Variants in ARHGAP25 observed in about 807,000 individuals in gnomAD.
ARHGAP25 encodes the protein Rho GTPase activating protein 25, also known as rho GTPase-activating protein 25.
A neutral mutation model predicts 71.0 loss-of-function variants in ARHGAP25; 34 were observed. The ratio of observed to expected loss-of-function variants is 0.48; its 90% confidence interval spans 0.36 to 0.64. The LOEUF is 0.64. Ranked by LOEUF, ARHGAP25 falls within the 30% of genes least tolerant of loss-of-function variation. ARHGAP25 has a pLI of 0.00. For synonymous variants in ARHGAP25, 282 were observed against 296.5 expected (o/e 0.95, Z 0.50); for missense variants, 706 against 805.1 (o/e 0.88, Z 1.49).
rs954161026 is a variant in ARHGAP25 at position 68,819,623 on chromosome 2, T to C, written c.1200+304T>C. 1.0e-5 allele frequency: 6 copies of C among 584,744 alleles called. No homozygotes were observed. In the South Asian group the frequency reaches 1.3e-4, roughly 13 times the overall value. 36.2% of individuals were successfully genotyped at this position (584,744 alleles called of 1,614,324 possible). On this transcript the variant is annotated intron_variant, in intron 9 of 10. Coordinates refer to ENST00000409202, the MANE Select transcript of ARHGAP25 (RefSeq NM_001007231.3). ...TCAAATACAGTCCAGAGAAGTTCAG[T>C]GGGAAAAATGTATACAACATTGTAA...
chr2:68,780,632 TC>T (rs1678263287), intron 2 of ARHGAP25, among the ~76,000 whole-genome samples: 1 of 152,080 alleles, frequency 6.6e-6, no homozygotes, highest in Non-Finnish European at 1.5e-5. Flanking sequence ...TCTTTCATCC[TC>T]ATTCTCCTCC....
intron 1 of ARHGAP25, among the ~76,000 whole-genome samples, chr2:68,738,753 G>A (rs889778084): frequency 7.3e-5 from 11 of 151,588 alleles, no homozygotes; most frequent in Non-Finnish European, 1.0e-4. Context: ...TCCGGGAGGC[G>A]GAGGTTGTAG....
In ARHGAP25 at chr2:68,826,586, G is replaced by T; in HGVS notation, c.*392G>T. ...CAGCTCACCTTGTCAGACAGCCTCA[G>T]GGCATCTCTGAGACACAGGGGCAGA... is the stretch of plus-strand genomic sequence containing the variant. On this transcript the variant is annotated 3_prime_UTR_variant, in exon 11 of 11. Coordinates refer to ENST00000409202, the MANE Select transcript of ARHGAP25 (RefSeq NM_001007231.3). 1 of 339,162 alleles carries T rather than the reference G, an allele frequency of 2.9e-6. No homozygotes were observed. Among genetic ancestry groups the T allele is most frequent in the Non-Finnish European group, 5.7e-6 (1 of 174,024 alleles). The allele number at this position is 339,162 out of a possible 1,614,324, so 21.0% of individuals were successfully genotyped here. A position where few individuals can be genotyped will look rare whatever the true frequency, so the allele number is the denominator to read the frequency against.
In ARHGAP25 at chr2:68,775,306, G is replaced by T; in HGVS notation, c.147G>T (p.Lys49Asn). 6.2e-7 allele frequency: 1 copy of T among 1,614,274 alleles called. No individual in the cohort carries two copies. Among genetic ancestry groups the T allele is most frequent in the Non-Finnish European group, 8.5e-7 (1 of 1,180,052 alleles). ...STPNPLERPI[K>N]MGWLKKQRSI... Reference sequence around the variant, plus strand: ...CCAACCCGCTGGAGAGGCCCATCAAGATGGGCTGGCTGAAGAAGCAGAGGT... The same window carrying T: ...CCAACCCGCTGGAGAGGCCCATCAATATGGGCTGGCTGAAGAAGCAGAGGT... The change falls in exon 2 of 11, where the codon AAG (lysine) becomes AAT (asparagine). Residue 49 changes from lysine to asparagine, a missense_variant. Coordinates refer to ENST00000409202, the MANE Select transcript of ARHGAP25 (RefSeq NM_001007231.3).
chr2:68,813,452 G>A, intron 6 of ARHGAP25, 33 bp downstream of exon 6: 2 of 1,598,858 alleles, frequency 1.3e-6, no homozygotes, highest in African/African-American at 2.7e-5. Flanking sequence ...TCCTGCCTTA[G>A]AAGAAAGTGA....
rs1680457193 is a variant in ARHGAP25, at chr2:68,807,476, G to C, written c.670G>C (p.Asp224His). The C allele has an allele frequency of 3.1e-6, 5 of 1,614,010 alleles. No homozygotes were observed. The highest frequency in any genetic ancestry group is 4.2e-6 in the Non-Finnish European group (5 of 1,179,976). The change falls in exon 5 of 11, where the codon GAC (aspartate) becomes CAC (histidine). Residue 224 changes from aspartate to histidine, a missense_variant. By Grantham distance (81) the Asp-to-His change is moderately conservative. Transcript: ENST00000409202. ...TGATGCTGGGGAGCGGCCCTCCTTTGACAGGTACATTGCCCCACTGCAGTG... is the reference window on the plus strand; with the variant it reads ...TGATGCTGGGGAGCGGCCCTCCTTTCACAGGTACATTGCCCCACTGCAGTG... ...AFDAGERPSF[D>H]RDTDVHTVAS...
At chr2:68,757,784 C>T (rs1404273371) in intron 1 of ARHGAP25, 2 of 152,086 alleles carry the variant, frequency 1.3e-5, no homozygotes, top group Non-Finnish European at 2.9e-5. Context: ...TGGTATGTAA[C>T]TCCACCTTTG....
intron 2 of ARHGAP25, chr2:68,710,807 T>C (rs536521890): frequency 6.6e-6 from 1 of 152,326 alleles, no homozygotes; most frequent in African/African-American, 2.4e-5. Flanking sequence ...TTCTAGTTCT[T>C]ATATAACTGA....
chr2:68,733,938 G>A (rs34781733), upstream of ARHGAP25, among the ~76,000 whole-genome samples: 7,691 of 152,272 alleles, frequency 0.051, 268 homozygotes, highest in Middle Eastern at 0.088. Context: ...AAGAATTGAA[G>A]CACAAAGTGG....
chr2:68,787,757 T>C (rs1678858289), intron 3 of ARHGAP25, 83 bp from the exon 4 acceptor site: 1 of 1,087,646 alleles, frequency 9.2e-7, no homozygotes, highest in African/African-American at 1.5e-5. Context: ...AAGACATCAA[T>C]TTAGGTCTGG....
intron 2 of ARHGAP25, among the ~76,000 whole-genome samples, chr2:68,725,034 A>G (rs987282876): frequency 2.0e-5 from 3 of 152,126 alleles, no homozygotes; most frequent in Non-Finnish European, 4.4e-5. Context: ...TTGAGTAGAG[A>G]ACGATACTCC....
chr2:68,810,173 G>A (rs552589111), intron 5 of ARHGAP25, among the ~76,000 whole-genome samples: 2 of 150,398 alleles, frequency 1.3e-5, no homozygotes, highest in Non-Finnish European at 3.0e-5. Flanking sequence ...GCTCTATTGG[G>A]TTAGAGGAAC....
At chr2:68,809,247 C>T (rs955755102) in intron 5 of ARHGAP25, among the ~76,000 whole-genome samples, 4 of 152,090 alleles carry the variant, frequency 2.6e-5, no homozygotes, top group African/African-American at 7.2e-5. Context: ...CTTCTCATTC[C>T]ATGGTGTGTT....
intron 5 of ARHGAP25, among the ~76,000 whole-genome samples, chr2:68,809,543 G>A (rs1466409452): frequency 6.6e-6 from 1 of 152,038 alleles, no homozygotes; most frequent in Non-Finnish European, 1.5e-5. Flanking sequence ...TTCTGAAGAG[G>A]GGCAGTGTGA....
intron 4 of ARHGAP25, among the ~76,000 whole-genome samples, chr2:68,792,991 T>G (rs1679294060): frequency 6.6e-6 from 1 of 152,216 alleles, no homozygotes; most frequent in Non-Finnish European, 1.5e-5. Context: ...TGCGATCTCA[T>G]TGTGGTTTTT....
intron 2 of ARHGAP25, among the ~76,000 whole-genome samples, chr2:68,728,707 G>A (rs571145291): frequency 1.3e-5 from 2 of 151,952 alleles, no homozygotes; most frequent in East Asian, 3.9e-4. Context: ...GACCAGCCTG[G>A]GCAACATAGT....
intron 4 of ARHGAP25, among the ~76,000 whole-genome samples, chr2:68,789,443 T>C (rs943958488): frequency 2.0e-5 from 3 of 152,330 alleles, no homozygotes; most frequent in Non-Finnish European, 4.4e-5. Context: ...TACATTAGCT[T>C]CTCAAAGCAA....
chr2:68,783,367 A>G (rs569023674), intron 3 of ARHGAP25, among the ~76,000 whole-genome samples: 21 of 152,352 alleles, frequency 1.4e-4, no homozygotes, highest in African/African-American at 4.3e-4. Context: ...GCAGAAAAAA[A>G]ATCCTAAACT....
intron 1 of ARHGAP25, among the ~76,000 whole-genome samples, chr2:68,762,768 A>G (rs1676906810): frequency 1.3e-5 from 2 of 152,204 alleles, no homozygotes; most frequent in South Asian, 4.1e-4. Context: ...TGGCCAGCCA[A>G]AAAGAAATGT....
Sources: allele counts gnomAD v4.1 joint callset (sites outside exome capture counted in the v4.1 genomes callset), GRCh38; gene constraint gnomAD v4.1.1; transcripts MANE v1.5; gene names NCBI Gene and HGNC (gene_info 2026-07-23, HGNC 2026-07-21).